The following CTNNA3 variants were observed in gnomAD, a reference collection of about 807,000 sequenced individuals.
CTNNA3 encodes catenin alpha-3.
In CTNNA3, 76 loss-of-function variants were observed where a neutral mutation model predicts 95.7. The observed-to-expected ratio is 0.79, with a 90% CI of 0.66 to 0.96. The LOEUF (loss-of-function observed/expected upper bound fraction) is 0.96, where lower values mean the gene tolerates loss of function less well. Ranked by LOEUF, CTNNA3 falls within the 40% of genes least tolerant of loss-of-function variation. The pLI is 0.00. For synonymous variants in CTNNA3, 431 were observed against 374.4 expected (o/e 1.15, Z -1.74); for missense variants, 1,191 against 1,089.8 (o/e 1.09, Z -1.31).
rs150505782 is a variant in CTNNA3, at chr10:66,598,333, T to C, written c.1374+23359A>G. 4.3e-3 allele frequency among the ~76,000 whole-genome samples: 659 copies of C among 152,160 alleles called. 6 individuals carry two copies. The highest frequency in any genetic ancestry group is 0.015 in the African/African-American group (634 of 41,552). On this transcript the variant is annotated intron_variant, in intron 10 of 17. Coordinates refer to ENST00000433211, the MANE Select transcript of CTNNA3 (RefSeq NM_013266.4). ...TCAATGATGAAAATTTGAAAGCTTT[T>C]ACTCTAAGATCAGGAATAAGACAAG... is the stretch of plus-strand genomic sequence containing the variant.
intron 5 of CTNNA3, among the ~76,000 whole-genome samples, chr10:67,486,611 A>G (rs1239059468): frequency 6.6e-6 from 1 of 152,120 alleles, no homozygotes; most frequent in African/African-American, 2.4e-5. Flanking sequence ...ATTATTGTAA[A>G]AGTATTTCAA....
chr10:67,196,880 C>G (rs1462618074), intron 6 of CTNNA3, among the ~76,000 whole-genome samples: 6 of 151,842 alleles, frequency 4.0e-5, no homozygotes, highest in Admixed American at 3.9e-4. Flanking sequence ...ATGAAAGAGT[C>G]CTTGTGTGAT....
At chr10:67,346,896 G>A (rs987032319) in intron 5 of CTNNA3, among the ~76,000 whole-genome samples, 2 of 151,920 alleles carry the variant, frequency 1.3e-5, no homozygotes, top group African/African-American at 2.4e-5. Context: ...CAGCAGATGT[G>A]ATACTCAAAG....
intron 11 of CTNNA3, among the ~76,000 whole-genome samples, chr10:66,478,364 A>G (rs563032478): frequency 6.2e-4 from 94 of 152,176 alleles, no homozygotes; most frequent in Middle Eastern, 3.4e-3. Context: ...AAAATATTTA[A>G]TCAGATTTAA....
intron 13 of CTNNA3, among the ~76,000 whole-genome samples, chr10:66,200,979 C>T (rs956995211): frequency 2.0e-5 from 3 of 152,026 alleles, no homozygotes; most frequent in Non-Finnish European, 4.4e-5. Context: ...CCAGTGTTGC[C>T]GACCCATGTG....
intron 5 of CTNNA3, among the ~76,000 whole-genome samples, chr10:67,269,073 A>G (rs886493753): frequency 3.9e-5 from 6 of 152,204 alleles, no homozygotes; most frequent in Non-Finnish European, 1.5e-5. Flanking sequence ...ATGTGAGTGC[A>G]GAAAATCATT....
chr10:67,224,127 T>C (rs983416921), intron 5 of CTNNA3, among the ~76,000 whole-genome samples: 1 of 152,192 alleles, frequency 6.6e-6, no homozygotes, highest in Non-Finnish European at 1.5e-5. Flanking sequence ...TCTATTCTCT[T>C]AGCAAATTTC....
At chr10:67,072,127 T>C (rs980065854) in intron 7 of CTNNA3, among the ~76,000 whole-genome samples, 2 of 152,138 alleles carry the variant, frequency 1.3e-5, no homozygotes, top group Non-Finnish European at 2.9e-5. Flanking sequence ...TAATTTTTTG[T>C]ATTTTTAGTA....
chr10:66,878,753 T>A (rs892753746), intron 7 of CTNNA3, among the ~76,000 whole-genome samples: 1 of 151,992 alleles, frequency 6.6e-6, no homozygotes, highest in Non-Finnish European at 1.5e-5. Context: ...CCAGTAGAGG[T>A]GGCTTTTTCA....
intron 5 of CTNNA3, among the ~76,000 whole-genome samples, chr10:67,457,080 A>G (rs1413856526): frequency 2.6e-5 from 4 of 152,150 alleles, no homozygotes; most frequent in African/African-American, 9.7e-5. Context: ...ATAATATTAG[A>G]TAGAAAGGAA....
At chr10:67,726,448 T>C (rs1841222055) in intron 1 of CTNNA3, among the ~76,000 whole-genome samples, 1 of 72,594 alleles carries the variant, frequency 1.4e-5, no homozygotes, top group African/African-American at 5.7e-5. Flanking sequence ...TAATATATAA[T>C]ATTATATATG....
intron 12 of CTNNA3, among the ~76,000 whole-genome samples, chr10:66,341,800 C>A (rs899374469): frequency 2.6e-5 from 4 of 151,804 alleles, no homozygotes; most frequent in Non-Finnish European, 5.9e-5. Flanking sequence ...AGTCTGTGTG[C>A]TGGTCAGGGG....
chr10:67,442,014 A>G (rs1391231124), intron 5 of CTNNA3, among the ~76,000 whole-genome samples: 1 of 152,234 alleles, frequency 6.6e-6, no homozygotes, highest in Non-Finnish European at 1.5e-5. Context: ...AAGCAGTGCA[A>G]TAAGGCATAA....
At chr10:66,441,225 TCTG>T (rs2093373466) in intron 11 of CTNNA3, among the ~76,000 whole-genome samples, 1 of 139,860 alleles carries the variant, frequency 7.2e-6, no homozygotes, top group African/African-American at 2.6e-5. Flanking sequence ...TGGTTGCTTT[TCTG>T]ATGGTGCTTG....
chr10:65,982,671 ATGTG>A (rs897520669), intron 16 of CTNNA3, among the ~76,000 whole-genome samples: 2 of 150,254 alleles, frequency 1.3e-5, no homozygotes, highest in Non-Finnish European at 3.0e-5. Context: ...TGTGGTATAT[ATGTG>A]TGTGTGTATG....
chr10:67,335,649 T>C (rs1423099218), intron 5 of CTNNA3, among the ~76,000 whole-genome samples: 1 of 152,246 alleles, frequency 6.6e-6, no homozygotes, highest in Admixed American at 6.5e-5. Flanking sequence ...TGTTTAATAT[T>C]AAAAGTGTTT....
chr10:67,088,050 C>T (rs2131899028), intron 7 of CTNNA3, among the ~76,000 whole-genome samples: 1 of 151,638 alleles, frequency 6.6e-6, no homozygotes, highest in Admixed American at 6.6e-5. Flanking sequence ...TGTGGAAATA[C>T]CATGATAATT....
chr10:67,670,975 TTTTG>T (rs751859865), intron 1 of CTNNA3, among the ~76,000 whole-genome samples: 50 of 152,306 alleles, frequency 3.3e-4, no homozygotes, highest in Admixed American at 1.7e-3. Context: ...GGTTTTGTTT[TTTTG>T]TTTGTTTGTT....
At chr10:67,101,898 ATTG>A (rs1273775053) in intron 7 of CTNNA3, among the ~76,000 whole-genome samples, 2 of 151,940 alleles carry the variant, frequency 1.3e-5, no homozygotes, top group South Asian at 4.1e-4. Flanking sequence ...CCTGATGTGA[ATTG>A]TTGTTATTCA....
Sources: allele counts gnomAD v4.1 joint callset (sites outside exome capture counted in the v4.1 genomes callset), GRCh38; gene constraint gnomAD v4.1.1; transcripts MANE v1.5; gene names NCBI Gene and HGNC (gene_info 2026-07-23, HGNC 2026-07-21).